SYNJ2BP: variants seen among roughly 807,000 people sequenced by gnomAD.
SYNJ2BP encodes the protein synaptojanin 2 binding protein.
A neutral mutation model predicts 16.9 loss-of-function variants in SYNJ2BP; 10 were observed. That is an observed-to-expected ratio of 0.59 (90% confidence interval 0.36 to 1.00). The LOEUF (loss-of-function observed/expected upper bound fraction) is 1.00. Among genes scored for constraint, SYNJ2BP ranks in the 50% least tolerant of loss-of-function variants. The pLI, the probability that SYNJ2BP is intolerant of heterozygous loss-of-function variation, is 0.01. For missense variants in SYNJ2BP, 162 were observed against 186.7 expected, an observed-to-expected ratio of 0.87 and a Z score of 0.77; for synonymous variants, 54 against 68.4, an observed-to-expected ratio of 0.79 and a Z score of 1.04.
At chr14:70,400,175 T>C (rs1888205295) in intron 1 of SYNJ2BP, among the ~76,000 whole-genome samples, 1 of 152,210 alleles carries the variant, frequency 6.6e-6, no homozygotes, top group South Asian at 2.1e-4. Context: ...TAATCCATCT[T>C]TTGAAGAGGA....
At chr14:70,386,071 T>A (rs567162058) in intron 2 of SYNJ2BP, among the ~76,000 whole-genome samples, 6 of 152,372 alleles carry the variant, frequency 3.9e-5, no homozygotes, top group Admixed American at 2.0e-4. Flanking sequence ...TTTCTCTTCT[T>A]AACTCCTATA....
intron 1 of SYNJ2BP, among the ~76,000 whole-genome samples, chr14:70,401,908 CCAAA>C (rs1170784910): frequency 3.9e-5 from 6 of 152,150 alleles, no homozygotes; most frequent in African/African-American, 1.4e-4. Context: ...CCTCCGCCTC[CCAAA>C]CAGTTAGGCT....
chr14:70,388,818 A>T (rs1229888080), intron 1 of SYNJ2BP, among the ~76,000 whole-genome samples: 1 of 152,168 alleles, frequency 6.6e-6, no homozygotes, highest in Non-Finnish European at 1.5e-5. Flanking sequence ...ATGAGGCACG[A>T]CTGAAAATAT....
At position 70,395,983 on chromosome 14, in the gene SYNJ2BP, C is replaced by T. The variant is rs577648730; in HGVS notation, c.65-7377G>A. On this transcript the variant is annotated intron_variant, in intron 1 of 3. Transcript: ENST00000256366. ...CAGAATTTCATTCTTTTTTTTAAGG[C>T]TGAATTATAATCTTTTGTATGTACA... Among the ~76,000 whole-genome samples the T allele has an allele frequency of 5.9e-5, 9 of 152,192 alleles. No individual in the cohort carries two copies. In the East Asian group the frequency reaches 1.3e-3, roughly 23 times the overall value.
At chr14:70,383,485 G>A (rs567553511) in intron 2 of SYNJ2BP, among the ~76,000 whole-genome samples, 46 of 152,166 alleles carry the variant, frequency 3.0e-4, no homozygotes, top group Non-Finnish European at 5.4e-4. Context: ...CACAGAATAT[G>A]AAATGAAGCT....
In SYNJ2BP at chr14:70,384,776, T is replaced by C. The variant is rs139448810; in HGVS notation, c.201+3694A>G. On this transcript the variant is annotated intron_variant, in intron 2 of 3. Coordinates refer to ENST00000256366, the MANE Select transcript of SYNJ2BP (RefSeq NM_018373.3). ...CTCCTTCACCTTAAAAACATGATTT[T>C]AAGTTTAAACTTAAAACTTAAAACC... 8.5e-3 allele frequency among the ~76,000 whole-genome samples: 1,293 copies of C among 152,324 alleles called. 7 individuals are homozygous for C. Among genetic ancestry groups the C allele is most frequent in the Non-Finnish European group, 0.013 (909 of 68,022 alleles).
chr14:70,417,022 T>C lies in SYNJ2BP; in HGVS notation c.-59A>G. 1 of 1,612,808 alleles carries C rather than the reference T, an allele frequency of 6.2e-7. No homozygotes were observed. The highest frequency in any genetic ancestry group is 1.1e-5 in the South Asian group (1 of 90,850). On this transcript the variant is annotated 5_prime_UTR_variant, in exon 1 of 4. Transcript: ENST00000256366. The stretch of plus-strand genomic sequence containing the variant: ...AGCTGGAGTGCAGCACAGGTGAAGG[T>C]GAATCAATCTCGGCGCTGCGCCCAC...
At chr14:70,409,198 A>T (rs1220630764) in intron 1 of SYNJ2BP, among the ~76,000 whole-genome samples, 2 of 152,226 alleles carry the variant, frequency 1.3e-5, no homozygotes, top group African/African-American at 2.4e-5. Context: ...TACAGGCAAG[A>T]GCCACAATGC....
chr14:70,410,746 T>C (rs1374261817), intron 1 of SYNJ2BP, among the ~76,000 whole-genome samples: 1 of 152,162 alleles, frequency 6.6e-6, no homozygotes, highest in Non-Finnish European at 1.5e-5. Flanking sequence ...CCATTATCCT[T>C]AGCAAACTAA....
chr14:70,389,373 C>CTT (rs752623860), intron 1 of SYNJ2BP, among the ~76,000 whole-genome samples: 28,349 of 93,742 alleles, frequency 0.3, 4,205 homozygotes, highest in East Asian at 0.66. Context: ...TTGAGAGTTT[C>CTT]TTTTTTTTTT....
At chr14:70,398,351 T>C (rs1305218730) in intron 1 of SYNJ2BP, among the ~76,000 whole-genome samples, 1 of 152,154 alleles carries the variant, frequency 6.6e-6, no homozygotes, top group Non-Finnish European at 1.5e-5. Context: ...CCCAGGAGAC[T>C]GTCTGCCTCC....
chr14:70,398,051 G>T (rs7494361), intron 1 of SYNJ2BP, among the ~76,000 whole-genome samples: 2 of 50,738 alleles, frequency 3.9e-5, no homozygotes, highest in Non-Finnish European at 6.7e-5. Context: ...CAGCAGAGAG[G>T]GTAGCTCCTC....
Position 70,366,530 on chromosome 14 carries a change from C to T in SYNJ2BP, c.*6461G>A, listed in dbSNP as rs897056299. 6.6e-6 allele frequency: 1 copy of T among 152,118 alleles called. No individual in the cohort carries two copies. The highest frequency in any genetic ancestry group is 2.4e-5 in the African/African-American group (1 of 41,420). The allele number at this position is 152,118 out of a possible 1,614,324, so 9.4% of individuals were successfully genotyped here. A position where few individuals can be genotyped will look rare whatever the true frequency, so the allele number is the denominator to read the frequency against. On this transcript the variant is annotated 3_prime_UTR_variant, in exon 4 of 4. Coordinates refer to ENST00000256366, the MANE Select transcript of SYNJ2BP (RefSeq NM_018373.3). ...TTCAATGACAAAGTTTTATTAAATA[C>T]CAATACTGGCTAGGCACAATTAGAC...
At chr14:70,378,362 T>C (rs1393415101) in intron 2 of SYNJ2BP, among the ~76,000 whole-genome samples, 1 of 152,104 alleles carries the variant, frequency 6.6e-6, no homozygotes, top group Non-Finnish European at 1.5e-5. Flanking sequence ...AACCTCTTTA[T>C]TACTTCCCAC....
At chr14:70,377,481 C>T (rs1360544367) in intron 2 of SYNJ2BP, among the ~76,000 whole-genome samples, 1 of 152,188 alleles carries the variant, frequency 6.6e-6, no homozygotes, top group Non-Finnish European at 1.5e-5. Flanking sequence ...TGTTCCAGAC[C>T]TTTTTCCACC....
intron 1 of SYNJ2BP, among the ~76,000 whole-genome samples, chr14:70,413,226 AAG>A (rs1307164186): frequency 6.6e-6 from 1 of 152,264 alleles, no homozygotes; most frequent in Non-Finnish European, 1.5e-5. Context: ...TTAGAGATGG[AAG>A]AGACCTCTGA....
intron 2 of SYNJ2BP, among the ~76,000 whole-genome samples, chr14:70,387,607 G>A (rs574893130): frequency 1.3e-5 from 2 of 152,176 alleles, no homozygotes; most frequent in East Asian, 1.9e-4. Flanking sequence ...TGAGGTGGGC[G>A]AATCATGAGG....
At chr14:70,399,708 G>A (rs1365950249) in intron 1 of SYNJ2BP, among the ~76,000 whole-genome samples, 6 of 152,204 alleles carry the variant, frequency 3.9e-5, no homozygotes, top group Admixed American at 3.3e-4. Context: ...AGATAGGGAC[G>A]ATGACTGCTC....
At chr14:70,377,767 T>C (rs1455838241) in intron 2 of SYNJ2BP, among the ~76,000 whole-genome samples, 1 of 152,208 alleles carries the variant, frequency 6.6e-6, no homozygotes. Flanking sequence ...CTATTATCTT[T>C]CTCTGCTCCT....
Sources: gnomAD v4.1 joint callset for allele counts (sites outside exome capture counted in the v4.1 genomes callset) on GRCh38, gnomAD v4.1.1 for gene constraint, MANE v1.5 for transcripts, NCBI Gene and HGNC (gene_info 2026-07-23, HGNC 2026-07-21) for gene names.